Variants in TMEM132A observed in about 807,000 individuals in gnomAD.
TMEM132A encodes transmembrane protein 132A.
A neutral mutation model predicts 69.9 loss-of-function variants in TMEM132A; 48 were observed. The ratio of observed to expected loss-of-function variants is 0.69; its 90% confidence interval spans 0.55 to 0.87. The LOEUF (loss-of-function observed/expected upper bound fraction) is 0.87. Among genes scored for constraint, TMEM132A ranks in the 40% least tolerant of loss-of-function variants. TMEM132A has a pLI of 0.00. For synonymous variants in TMEM132A, 577 were observed against 613.7 expected, an observed-to-expected ratio of 0.94 and a Z score of 0.88; for missense variants, 1,287 against 1,407.2, an observed-to-expected ratio of 0.91 and a Z score of 1.37.
chr11:60,936,317 G>A lies in TMEM132A; in HGVS notation c.2482G>A (p.Glu828Lys), dbSNP rs1340573962. 19 of 1,613,724 alleles carry A rather than the reference G, an allele frequency of 1.2e-5. No individual in the cohort carries two copies. Among genetic ancestry groups the A allele is most frequent in the Non-Finnish European group, 1.6e-5 (19 of 1,179,644 alleles). Residue 828 changes from glutamate to lysine, a missense_variant, in exon 11 of 11, where the codon GAG becomes AAG. Coordinates refer to ENST00000453848, the MANE Select transcript of TMEM132A (RefSeq NM_178031.3). ...GAAGGAGGAGACCGAAGCCAGGGAG[G>A]AGGAGGAGGAAGAGGAGGAGGAGAT... ...ARKEETEAREEEEEEEEEMVP... is the reference protein window; with the variant it reads ...ARKEETEAREKEEEEEEEMVP...
rs1297014936 is a variant in TMEM132A, at chr11:60,927,553, G to T, written c.316-88G>T. On this transcript the variant is annotated intron_variant, in intron 2 of 10. Coordinates refer to ENST00000453848, the MANE Select transcript of TMEM132A (RefSeq NM_178031.3). ...GAGGGGGAAACTGAGGCCCATAAAG[G>T]TTCTCTTCTGCCAAGCTGGGATCCC... 1.3e-5 allele frequency: 19 copies of T among 1,440,998 alleles called. No individual in the cohort carries two copies. The East Asian group carries it at 3.0e-4, about 22-fold the overall frequency. 89.3% of individuals were successfully genotyped at this position (1,440,998 alleles called of 1,614,324 possible).
rs369347951 is a variant in TMEM132A at position 60,933,595 on chromosome 11, C to T, written c.1410C>T (p.Ala470=). ...VFVAGKESRG[A]RGVRVDFWWR... is the part of the protein sequence containing the mutation. ...TGGCTGGCAAGGAGAGCCGGGGCGCCCGGGGGGTGCGAGTGGACTTCTGGT... is the reference window on the plus strand; with the variant it reads ...TGGCTGGCAAGGAGAGCCGGGGCGCTCGGGGGGTGCGAGTGGACTTCTGGT... Residue 470 remains alanine (A), a synonymous_variant, in exon 8 of 11, where the codon GCC becomes GCT. Coordinates refer to ENST00000453848, the MANE Select transcript of TMEM132A (RefSeq NM_178031.3). 3.3e-4 allele frequency: 538 copies of T among 1,607,276 alleles called. No homozygotes were observed. The highest frequency in any genetic ancestry group is 4.3e-4 in the Non-Finnish European group (512 of 1,179,300).
At chr11:60,925,783 C>CA (rs1226538306) in intron 1 of TMEM132A, 1 of 152,334 alleles carries the variant, frequency 6.6e-6, no homozygotes, top group Non-Finnish European at 1.5e-5. Flanking sequence ...TATGCAGCAG[C>CA]AATAATGCCT....
rs1013475511 is a variant in TMEM132A, at chr11:60,934,743, G to T, written c.1815G>T (p.Glu605Asp). 1 of 1,604,010 alleles carries T rather than the reference G, an allele frequency of 6.2e-7. No individual in the cohort carries two copies. ...GTGGCCGTGTCGTGGTGGGCCGGGAGCCCGGTGTCACCTCCATTGAGGTAA... is the reference window on the plus strand; with the variant it reads ...GTGGCCGTGTCGTGGTGGGCCGGGATCCCGGTGTCACCTCCATTGAGGTAA... Reference protein sequence around the residue: ...LEGGRVVVGREPGVTSIEVRS... With the variant: ...LEGGRVVVGRDPGVTSIEVRS... The change falls in exon 9 of 11, where the codon GAG becomes GAT. Residue 605 changes from glutamate (E) to aspartate (D), a missense_variant. By Grantham distance (45) the Glu-to-Asp change is conservative. Coordinates refer to ENST00000453848, the MANE Select transcript of TMEM132A (RefSeq NM_178031.3).
rs997305665 is a variant in TMEM132A at position 60,924,508 on chromosome 11, G to T, written c.-126G>T. 3.6e-5 allele frequency: 19 copies of T among 535,132 alleles called. No homozygotes were observed. The highest frequency in any genetic ancestry group is 5.4e-5 in the Non-Finnish European group (19 of 351,234). 33.1% of individuals were successfully genotyped at this position (535,132 alleles called of 1,614,324 possible). On this transcript the variant is annotated 5_prime_UTR_variant, in exon 1 of 11. Transcript: ENST00000453848. The stretch of plus-strand genomic sequence containing the variant: ...GAATTGCAGCCGCGGGGCGGGCGGC[G>T]GCGGCGGCGGCGGCGGCCGGGACCC...
intron 3 of TMEM132A, among the ~76,000 whole-genome samples, 159 bp from the exon 4 acceptor site, chr11:60,928,470 T>G (rs556751810): frequency 1.5e-4 from 23 of 152,290 alleles, no homozygotes; most frequent in Middle Eastern, 3.4e-3. Context: ...CCAGCCAGGT[T>G]GCTGGTTTGC....
intron 1 of TMEM132A, chr11:60,926,967 G>C: frequency 1.7e-6 from 1 of 591,656 alleles, no homozygotes. Flanking sequence ...AGAAGGAATA[G>C]CTGGGAAGCA....
At position 60,936,119 on chromosome 11, in the gene TMEM132A, G is replaced by A. The variant is rs745793728; in HGVS notation, c.2284G>A (p.Ala762Thr). The A allele has an allele frequency of 3.2e-5, 51 of 1,613,010 alleles. No individual in the cohort carries two copies. The highest frequency in any genetic ancestry group is 3.6e-5 in the Non-Finnish European group (42 of 1,179,786). The change falls in exon 11 of 11, where the codon GCC (alanine) becomes ACC (threonine). Residue 762 changes from alanine to threonine, a missense_variant. Physicochemically the swap from Ala to Thr is moderately conservative, Grantham distance 58. Coordinates refer to ENST00000453848, the MANE Select transcript of TMEM132A (RefSeq NM_178031.3). ...RHRVPLASGT[A>T]WLGLPPASTP... ...CCGTGTGCCTCTGGCCTCTGGCACC[G>A]CCTGGCTGGGGCTGCCCCCTGCCTC... is the stretch of plus-strand genomic sequence containing the variant.
chr11:60,926,462 A>T (rs1165358086), intron 1 of TMEM132A: 2 of 152,414 alleles, frequency 1.3e-5, no homozygotes, highest in African/African-American at 4.8e-5. Flanking sequence ...TCTCACCTGC[A>T]TATAGCATTC....
Position 60,931,993 on chromosome 11 carries a change from C to A in TMEM132A, c.1222C>A (p.Leu408Met). ...CCTCCTCCACCCCCAGGCTGAGGAG[C>A]TGGTGAATACAGCACCACTGACTGG... ...ALIPLAKAEE[L>M]VNTAPLTGVP... The change falls in exon 7 of 11, where the codon CTG becomes ATG. Residue 408 changes from leucine (L) to methionine (M), a missense_variant. Transcript: ENST00000453848. 6.2e-7 allele frequency: 1 copy of A among 1,606,782 alleles called. No individual in the cohort carries two copies.
chr11:60,932,693 G>A (rs1565121639), intron 7 of TMEM132A: 1 of 152,224 alleles, frequency 6.6e-6, no homozygotes, highest in Non-Finnish European at 1.5e-5. Context: ...GAGGGTGGTA[G>A]AGCAACTTCC....
rs1468945415 is a variant in TMEM132A at position 60,933,606 on chromosome 11, G to A, written c.1421G>A (p.Arg474Gln). The A allele has an allele frequency of 5.0e-6, 8 of 1,606,872 alleles. No individual in the cohort carries two copies. Among genetic ancestry groups the A allele is most frequent in the Admixed American group, 1.7e-5 (1 of 59,920 alleles). Residue 474 changes from arginine to glutamine, a missense_variant, in exon 8 of 11, where the codon CGA becomes CAA. Transcript: ENST00000453848. ...GAGAGCCGGGGCGCCCGGGGGGTGC[G>A]AGTGGACTTCTGGTGGCGCCGGCTC... ...GKESRGARGVRVDFWWRRLRA... is the reference protein window; with the variant it reads ...GKESRGARGVQVDFWWRRLRA...
chr11:60,927,477 G>C, intron 2 of TMEM132A, 59 bp downstream of exon 2: 3 of 1,524,412 alleles, frequency 2.0e-6, no homozygotes, highest in Non-Finnish European at 2.7e-6. Flanking sequence ...GAGGTCTGCT[G>C]GGTACAAATT....
rs1193579083 is a variant in TMEM132A at position 60,930,637 on chromosome 11, G to T, written c.994G>T (p.Gly332Trp). 1.2e-6 allele frequency: 2 copies of T among 1,611,806 alleles called. No homozygotes were observed. Among genetic ancestry groups the T allele is most frequent in the South Asian group, 2.2e-5 (2 of 90,784 alleles). ...CACCCTCATCACCTGCCACCGTGCT[G>T]GGCTCACAGAGCCAGATTCCAGGTG... ...HTTLITCHRAGLTEPDSSPLE... is the reference protein window; with the variant it reads ...HTTLITCHRAWLTEPDSSPLE... Residue 332 changes from glycine (G) to tryptophan (W), a missense_variant, in exon 5 of 11, where the codon GGG (glycine) becomes TGG (tryptophan). Coordinates refer to ENST00000453848, the MANE Select transcript of TMEM132A (RefSeq NM_178031.3).
chr11:60,935,872 C>G lies in TMEM132A; in HGVS notation c.2037C>G (p.Ala679=). ...SALPAPKQEV[A]LSLWLSFSDH... Reference sequence around the variant, plus strand: ...GTCTGTGTGCCCCACAGGAGGTGGCCCTCTCCCTATGGCTGTCCTTCTCTG... The same window carrying G: ...GTCTGTGTGCCCCACAGGAGGTGGCGCTCTCCCTATGGCTGTCCTTCTCTG... The change falls in exon 11 of 11, where the codon GCC becomes GCG. Residue 679 remains alanine (A), a synonymous_variant. Coordinates refer to ENST00000453848, the MANE Select transcript of TMEM132A (RefSeq NM_178031.3). This position sits in a 1 kb window ranked among gnomAD's most constrained non-coding sequence, Gnocchi z 5.0. 6.2e-7 allele frequency: 1 copy of G among 1,611,798 alleles called. No homozygotes were observed. Among genetic ancestry groups the G allele is most frequent in the Non-Finnish European group, 8.5e-7 (1 of 1,179,888 alleles).
At chr11:60,932,328 C>T (rs1249262743) in intron 7 of TMEM132A, 5 of 554,106 alleles carry the variant, frequency 9.0e-6, no homozygotes, top group Middle Eastern at 4.9e-4. Context: ...AACAGCCCCC[C>T]GACCTTAGAC....
At chr11:60,933,320 C>A (rs1285433960) in intron 7 of TMEM132A, 5 of 571,206 alleles carry the variant, frequency 8.8e-6, no homozygotes, top group Non-Finnish European at 1.6e-5. Flanking sequence ...GTAGCTAGGA[C>A]TACAGGCATG....
At position 60,932,043 on chromosome 11, in the gene TMEM132A, C is replaced by G. The variant is rs1345887020; in HGVS notation, c.1272C>G (p.Arg424=). 8 of 1,596,204 alleles carry G rather than the reference C, an allele frequency of 5.0e-6. No homozygotes were observed. Among genetic ancestry groups the G allele is most frequent in the Non-Finnish European group, 6.0e-6 (7 of 1,172,078 alleles). ...LTGVPQHVPV[R]LVTVDGGGAL... ...GAGTGCCCCAGCATGTCCCCGTGCG[C>G]CTTGTCACTGTGGACGGCGGGGGGG... The change falls in exon 7 of 11, where the codon CGC becomes CGG. Residue 424 remains arginine (R), a synonymous_variant. Coordinates refer to ENST00000453848, the MANE Select transcript of TMEM132A (RefSeq NM_178031.3).
intron 1 of TMEM132A, among the ~76,000 whole-genome samples, chr11:60,924,936 G>T (rs1856317721): frequency 6.6e-6 from 1 of 152,076 alleles, no homozygotes; most frequent in East Asian, 1.9e-4. Flanking sequence ...CACCTTGCAC[G>T]ACCCGGCAAC....
Sources: gnomAD v4.1 joint callset for allele counts (sites outside exome capture counted in the v4.1 genomes callset) on GRCh38, gnomAD v4.1.1 for gene constraint, Gnocchi (gnomAD v3.1) non-coding constraint, MANE v1.5 for transcripts, NCBI Gene and HGNC (gene_info 2026-07-23, HGNC 2026-07-21) for gene names.